The following AASS variants were observed in gnomAD, a reference collection of about 807,000 sequenced individuals.
AASS encodes alpha-aminoadipic semialdehyde synthase, mitochondrial.
AASS carries 86 observed loss-of-function variants against 105.4 expected under a neutral mutation model. The ratio of observed to expected loss-of-function variants is 0.82; its 90% CI spans 0.69 to 0.98. The LOEUF (loss-of-function observed/expected upper bound fraction) is 0.98. Ranked by LOEUF, AASS falls within the 50% of genes least tolerant of loss-of-function variation. The pLI is 0.00. For missense variants in AASS, 1,048 were observed against 1,143.2 expected (o/e 0.92, Z 1.20); for synonymous variants, 381 against 394.8 (o/e 0.96, Z 0.41).
At chr7:122,128,392 C>T (rs924459428) in intron 3 of AASS, among the ~76,000 whole-genome samples, 8 of 152,208 alleles carry the variant, frequency 5.3e-5, no homozygotes, top group East Asian at 1.9e-4. Context: ...TGTATTGGCT[C>T]GGTCCTTCAC....
chr7:122,105,492 TTAACAAATTCA>T (rs1360632134), intron 11 of AASS, among the ~76,000 whole-genome samples: 10 of 152,080 alleles, frequency 6.6e-5, no homozygotes, highest in African/African-American at 2.2e-4. Flanking sequence ...AAAATATGTC[TTAACAAATTCA>T]AAAAAATTGA....
At chr7:122,133,899 C>T in intron 1 of AASS, 158 bp from the exon 2 acceptor site, 2 of 686,970 alleles carry the variant, frequency 2.9e-6, no homozygotes, top group East Asian at 5.4e-5. Context: ...TCAAGTGTTC[C>T]TTTAAAGCCA....
intron 19 of AASS, among the ~76,000 whole-genome samples, chr7:122,084,749 T>C (rs1479894475): frequency 6.6e-6 from 1 of 151,956 alleles, no homozygotes; most frequent in East Asian, 1.9e-4. Context: ...AGGCACAAGA[T>C]TGAAGGGTCA....
chr7:122,126,052 C>T (rs182652046), intron 4 of AASS, among the ~76,000 whole-genome samples: 1 of 152,184 alleles, frequency 6.6e-6, no homozygotes, highest in Non-Finnish European at 1.5e-5. Flanking sequence ...TTCTATTTCT[C>T]CCTATCTTCT....
rs904050949 is a variant in AASS, at chr7:122,074,053, T to A, written c.*2436A>T. Among the ~76,000 whole-genome samples the A allele has an allele frequency of 6.6e-6, 1 of 152,096 alleles. No homozygotes were observed. Among genetic ancestry groups the A allele is most frequent in the Non-Finnish European group, 1.5e-5 (1 of 68,024 alleles). On this transcript the variant is annotated 3_prime_UTR_variant, in exon 24 of 24. Coordinates refer to ENST00000417368, the MANE Select transcript of AASS (RefSeq NM_005763.4). ...CTGCAAAGAACATCTGTGCACAAGT[T>A]TTTGTGTAGACATTTGTTTTTATAT...
chr7:122,085,911 G>A, intron 19 of AASS, 101 bp downstream of exon 19: 2 of 1,303,688 alleles, frequency 1.5e-6, no homozygotes, highest in Non-Finnish European at 2.2e-6. Flanking sequence ...ACTCCAACTT[G>A]GTTTATCATC....
At chr7:122,076,724 G>C in intron 23 of AASS, 117 bp from the exon 24 acceptor site, 1 of 795,318 alleles carries the variant, frequency 1.3e-6, no homozygotes, top group Admixed American at 1.9e-5. Flanking sequence ...GGAGGCCTAG[G>C]CATTTTTTAA....
At chr7:122,103,074 T>C (rs1306508765) in intron 11 of AASS, among the ~76,000 whole-genome samples, 1 of 151,766 alleles carries the variant, frequency 6.6e-6, no homozygotes, top group Non-Finnish European at 1.5e-5. Flanking sequence ...AAATGAAAAA[T>C]AACATGTTTC....
chr7:122,104,184 C>CA (rs1488520992), intron 11 of AASS, among the ~76,000 whole-genome samples: 1 of 151,822 alleles, frequency 6.6e-6, no homozygotes, highest in Non-Finnish European at 1.5e-5. Flanking sequence ...ATTAAAAAAA[C>CA]AAAGCTCTAC....
intron 18 of AASS, among the ~76,000 whole-genome samples, chr7:122,091,292 C>T (rs536679293): frequency 6.6e-6 from 1 of 152,256 alleles, no homozygotes; most frequent in African/African-American, 2.4e-5. Flanking sequence ...ATTCCAAGAG[C>T]CCCATCCCCA....
At chr7:122,114,711 A>G (rs180812446) in intron 9 of AASS, among the ~76,000 whole-genome samples, 24 of 152,290 alleles carry the variant, frequency 1.6e-4, no homozygotes, top group African/African-American at 5.5e-4. Flanking sequence ...TCAGAGCTGC[A>G]TGGGGCATCA....
intron 15 of AASS, among the ~76,000 whole-genome samples, chr7:122,094,277 T>A (rs1461722967): frequency 6.6e-6 from 1 of 152,080 alleles, no homozygotes. Context: ...AAATATTCCC[T>A]TGGAAAGACG....
intron 1 of AASS, among the ~76,000 whole-genome samples, chr7:122,136,229 G>A (rs1796133714): frequency 1.3e-5 from 2 of 152,160 alleles, no homozygotes; most frequent in South Asian, 4.1e-4. Flanking sequence ...AAACAATTAA[G>A]CATACAAGTA....
At chr7:122,143,324 G>C (rs1796486895) in intron 1 of AASS, among the ~76,000 whole-genome samples, 1 of 151,786 alleles carries the variant, frequency 6.6e-6, no homozygotes, top group South Asian at 2.1e-4. Flanking sequence ...GCGCTCGAGC[G>C]CTCTTTCTCT....
Position 122,113,142 on chromosome 7 carries a change from C to T in AASS, c.1254G>A (p.Met418Ile). Residue 418 changes from methionine to isoleucine, a missense_variant, in exon 11 of 24, where the codon ATG becomes ATA. By Grantham distance (10) the Met-to-Ile change is conservative. Transcript: ENST00000417368. ...CCATTTCTTCAACATAAGGGTAAAGCATGTCTCCAAAGCATTCTGTAGCTT... is the reference window on the plus strand; with the variant it reads ...CCATTTCTTCAACATAAGGGTAAAGTATGTCTCCAAAGCATTCTGTAGCTT... ...PIEATECFGD[M>I]LYPYVEEMIL... 6.2e-7 allele frequency: 1 copy of T among 1,613,938 alleles called. No individual in the cohort carries two copies. The highest frequency in any genetic ancestry group is 8.5e-7 in the Non-Finnish European group (1 of 1,179,878).
chr7:122,098,997 T>A, intron 13 of AASS, 131 bp from the exon 14 acceptor site: 1 of 973,176 alleles, frequency 1.0e-6, no homozygotes, highest in Non-Finnish European at 1.5e-6. Context: ...CTCTTCACAT[T>A]ACTTAAAATA....
At chr7:122,097,904 G>A (rs901566176) in intron 15 of AASS, among the ~76,000 whole-genome samples, 3 of 151,990 alleles carry the variant, frequency 2.0e-5, no homozygotes, top group African/African-American at 4.8e-5. Context: ...GTGTATAGCA[G>A]TGTGACTTAT....
intron 11 of AASS, among the ~76,000 whole-genome samples, chr7:122,103,897 T>C (rs1159272232): frequency 6.6e-6 from 1 of 152,006 alleles, no homozygotes; most frequent in Non-Finnish European, 1.5e-5. Context: ...AATAGTCTAT[T>C]ATAACTATAA....
chr7:122,098,871 TTAAA>T lies in AASS; in HGVS notation c.1407-9_1407-6del. On this transcript the variant is annotated splice_region_variant and splice_polypyrimidine_tract_variant and intron_variant, in intron 13 of 23. Coordinates refer to ENST00000417368, the MANE Select transcript of AASS (RefSeq NM_005763.4). ...GAAAGTGACTGAGCACGTTCCCTAT[TTAAA>T]AAAAAAAAAAAAAAAAAAAAAGGGA... 7.3e-7 allele frequency: 1 copy of T among 1,371,608 alleles called. No homozygotes were observed. The highest frequency in any genetic ancestry group is 9.4e-7 in the Non-Finnish European group (1 of 1,058,558). 85.0% of individuals were successfully genotyped at this position (1,371,608 alleles called of 1,614,324 possible).
Sources: gnomAD v4.1 joint callset for allele counts (sites outside exome capture counted in the v4.1 genomes callset) on GRCh38, gnomAD v4.1.1 for gene constraint, MANE v1.5 for transcripts, NCBI Gene and HGNC (gene_info 2026-07-23, HGNC 2026-07-21) for gene names.